Variants in ETV7 observed in about 807,000 individuals in gnomAD.
ETV7 encodes the protein transcription factor ETV7.
Under a neutral mutation model 39.1 loss-of-function variants are expected in ETV7, and 43 were observed. The ratio of observed to expected loss-of-function variants is 1.10; its 90% CI spans 0.86 to 1.42. The LOEUF (loss-of-function observed/expected upper bound fraction) is 1.42. Among genes scored for constraint, ETV7 ranks in the 40% most tolerant of loss-of-function variants. The probability of loss-of-function intolerance (pLI) is 0.00; values close to 1 mark genes in which losing one functional copy is unlikely to be tolerated. For synonymous variants in ETV7, 196 were observed against 176.6 expected (o/e 1.11, Z -0.87); for missense variants, 432 against 442.3 (o/e 0.98, Z 0.21).
chr6:36,355,652 A>G (rs1418642285), intron 7 of ETV7, among the ~76,000 whole-genome samples: 1 of 152,222 alleles, frequency 6.6e-6, no homozygotes, highest in Non-Finnish European at 1.5e-5. Context: ...GCCTCAACTT[A>G]TCTGCCCACC....
chr6:36,371,470 T>A lies in ETV7; in HGVS notation c.524A>T (p.Asp175Val). Residue 175 changes from aspartate to valine, a missense_variant, in exon 5 of 8, where the codon GAT (aspartate) becomes GTT (valine). By Grantham distance (152) the Asp-to-Val change is radical. Transcript: ENST00000340181. ...GGTCCACCTTGCCAGGCCAGGGTCA[T>A]CCAGGTGGCCGAAGTTGCTGGTAAG... ...PGLTSNFGHLDDPGLARWTPG... is the reference protein window; with the variant it reads ...PGLTSNFGHLVDPGLARWTPG... 6.2e-7 allele frequency: 1 copy of A among 1,604,060 alleles called. No individual in the cohort carries two copies.
At chr6:36,370,432 G>A (rs1023549221) in intron 5 of ETV7, among the ~76,000 whole-genome samples, 5 of 152,118 alleles carry the variant, frequency 3.3e-5, no homozygotes, top group Non-Finnish European at 7.3e-5. Context: ...CTACCCAGGA[G>A]GCTGAGGCAG....
downstream of ETV7, among the ~76,000 whole-genome samples, chr6:36,362,737 G>A (rs1301025413): frequency 2.0e-5 from 3 of 152,288 alleles, no homozygotes; most frequent in South Asian, 2.1e-4. Flanking sequence ...TTCCGGAGTC[G>A]GGATCTCTGG....
In ETV7 at chr6:36,375,886, G is replaced by A. The variant is rs775769716; in HGVS notation, c.292C>T (p.Arg98Cys). 3.5e-5 allele frequency: 57 copies of A among 1,613,928 alleles called. No homozygotes were observed. The highest frequency in any genetic ancestry group is 1.6e-4 in the Middle Eastern group (1 of 6,084). Residue 98 changes from arginine to cysteine, a missense_variant, in exon 3 of 8, where the codon CGT (arginine) becomes TGT (cysteine). Coordinates refer to ENST00000340181, the MANE Select transcript of ETV7 (RefSeq NM_016135.4). ...TTTCCCTGACCTGAGCTGGGCGCAC[G>A]GTGCCGGAAGTCGTCCTTGGTGAGG... is the stretch of plus-strand genomic sequence containing the variant. Reference protein sequence around the residue: ...CILTKDDFRHRAPSSGDVLYE... With the variant: ...CILTKDDFRHCAPSSGDVLYE...
In ETV7 at chr6:36,373,584, G is replaced by C; in HGVS notation, c.308-6C>G. ...CAGCTCATACAGGACGTCACCTGGA[G>C]GTGGGTGGGAGGGAGGGCAGGCTGC... On this transcript the variant is annotated splice_region_variant and splice_polypyrimidine_tract_variant and intron_variant, in intron 3 of 7. Coordinates refer to ENST00000340181, the MANE Select transcript of ETV7 (RefSeq NM_016135.4). 1 of 1,525,326 alleles carries C rather than the reference G, an allele frequency of 6.6e-7. No individual in the cohort carries two copies. Among genetic ancestry groups the C allele is most frequent in the Non-Finnish European group, 8.8e-7 (1 of 1,136,714 alleles). 94.5% of individuals were successfully genotyped at this position (1,525,326 alleles called of 1,614,324 possible).
downstream of ETV7, among the ~76,000 whole-genome samples, chr6:36,363,012 A>C (rs1336211689): frequency 1.3e-5 from 2 of 152,150 alleles, no homozygotes; most frequent in Non-Finnish European, 1.5e-5. Context: ...GGGCCATGTG[A>C]TCTTGCGCAA....
intron 7 of ETV7, among the ~76,000 whole-genome samples, chr6:36,356,732 G>A (rs2127379820): frequency 1.3e-5 from 2 of 152,338 alleles, no homozygotes; most frequent in Middle Eastern, 6.8e-3. Context: ...CACTGTGATG[G>A]AGTAGGAAAA....
chr6:36,361,797 C>CA (rs1368086185), downstream of ETV7, among the ~76,000 whole-genome samples: 2 of 152,194 alleles, frequency 1.3e-5, no homozygotes, highest in Non-Finnish European at 2.9e-5. Context: ...TATCTATTGT[C>CA]AGTTCTTTAA....
chr6:36,364,206 C>T (rs547154665), downstream of ETV7, among the ~76,000 whole-genome samples: 11 of 152,396 alleles, frequency 7.2e-5, no homozygotes, highest in South Asian at 1.2e-3. Context: ...GTGGAGCTGC[C>T]TGCCAGTCCG....
At position 36,375,757 on chromosome 6, in the gene ETV7, A is replaced by G. The variant is rs1293018225; in HGVS notation, c.307+114T>C. 13 of 1,532,532 alleles carry G rather than the reference A, an allele frequency of 8.5e-6. No homozygotes were observed. The East Asian group carries it at 2.9e-4, about 34-fold the overall frequency. 94.9% of individuals were successfully genotyped at this position (1,532,532 alleles called of 1,614,324 possible). On this transcript the variant is annotated intron_variant, in intron 3 of 7. Coordinates refer to ENST00000340181, the MANE Select transcript of ETV7 (RefSeq NM_016135.4). The stretch of plus-strand genomic sequence containing the variant: ...GGCATCTGCAGTGCTGGAAATGAGC[A>G]TGATTCCCCAAGGAAGACCCCTCCA...
At chr6:36,364,476 G>T (rs547093181), downstream of ETV7, among the ~76,000 whole-genome samples, 1 of 152,352 alleles carries the variant, frequency 6.6e-6, no homozygotes, top group Admixed American at 6.5e-5. Context: ...TGGCCCGGGT[G>T]CTAAGTCCCT....
At chr6:36,372,100 A>T (rs1257541622) in intron 4 of ETV7, among the ~76,000 whole-genome samples, 1 of 152,230 alleles carries the variant, frequency 6.6e-6, no homozygotes, top group Non-Finnish European at 1.5e-5. Context: ...CTGGGAAAGG[A>T]GCAGGGGTTG....
chr6:36,385,402 G>A, intron 2 of ETV7, 132 bp downstream of exon 2: 2 of 1,084,144 alleles, frequency 1.8e-6, no homozygotes, highest in South Asian at 1.4e-5. Context: ...GGAGCTGGAA[G>A]TTGAAGGTGC....
chr6:36,368,991 C>T lies in ETV7; in HGVS notation c.745G>A (p.Asp249Asn), dbSNP rs1383542427. 1.2e-6 allele frequency: 2 copies of T among 1,614,192 alleles called. No homozygotes were observed. The highest frequency in any genetic ancestry group is 1.7e-6 in the Non-Finnish European group (2 of 1,180,036). The change falls in exon 6 of 8, where the codon GAC becomes AAC. Residue 249 changes from aspartate (D) to asparagine (N), a missense_variant. By Grantham distance (23) the Asp-to-Asn change is conservative. Transcript: ENST00000340181. ...YEPYIKWEDK[D>N]AKIFRVVDPN... is the part of the protein sequence containing the mutation. ...TCCACAACTCGGAAGATCTTGGCGTCCTTGTCTTCCCACTTGATGTAGGGC... is the reference window on the plus strand; with the variant it reads ...TCCACAACTCGGAAGATCTTGGCGTTCTTGTCTTCCCACTTGATGTAGGGC...
intron 2 of ETV7, among the ~76,000 whole-genome samples, chr6:36,378,253 A>AAC (rs1418232033): frequency 1.3e-5 from 2 of 151,918 alleles, no homozygotes; most frequent in East Asian, 1.9e-4. Flanking sequence ...AAAAAAAAAA[A>AAC]AAACCTGACT....
At chr6:36,359,425 T>G (rs546152332) in intron 7 of ETV7, among the ~76,000 whole-genome samples, 1 of 147,264 alleles carries the variant, frequency 6.8e-6, no homozygotes, top group Non-Finnish European at 1.5e-5. Flanking sequence ...CTCTCCAGCC[T>G]GGGTAACAAG....
chr6:36,354,593 G>T, exon 8 of ETV7: 1 of 686,080 alleles, frequency 1.5e-6, no homozygotes, highest in South Asian at 1.6e-5. Context: ...AGGAAGTGTG[G>T]GTCCTCCAAC....
At chr6:36,372,556 G>C (rs960183280) in intron 4 of ETV7, among the ~76,000 whole-genome samples, 3 of 151,424 alleles carry the variant, frequency 2.0e-5, no homozygotes, top group Non-Finnish European at 4.4e-5. Context: ...CAGCAGGAGA[G>C]GAGTGAGAAG....
chr6:36,378,471 A>T (rs924710031), intron 2 of ETV7, among the ~76,000 whole-genome samples: 2 of 152,230 alleles, frequency 1.3e-5, no homozygotes, highest in Non-Finnish European at 2.9e-5. Context: ...CGAAACACAC[A>T]TTTGACTACA....
Sources: gnomAD v4.1 joint callset for allele counts (sites outside exome capture counted in the v4.1 genomes callset) on GRCh38, gnomAD v4.1.1 for gene constraint, MANE v1.5 for transcripts, NCBI Gene and HGNC (gene_info 2026-07-23, HGNC 2026-07-21) for gene names.